LRRTM4: variants seen among roughly 807,000 people sequenced by gnomAD.
LRRTM4 encodes leucine rich repeat transmembrane neuronal 4.
LRRTM4 carries 25 observed loss-of-function variants against 47.6 expected under a neutral mutation model. The ratio of observed to expected loss-of-function variants is 0.53; its 90% CI spans 0.38 to 0.73. The LOEUF is 0.73. LRRTM4 is among the 30% of genes least tolerant of loss of function. The probability of loss-of-function intolerance (pLI) is 0.00; values close to 1 mark genes in which losing one functional copy is unlikely to be tolerated. For missense variants in LRRTM4, 638 were observed against 713.4 expected (o/e 0.89, Z 1.20); for synonymous variants, 311 against 269.5 (o/e 1.15, Z -1.51).
intron 3 of LRRTM4, among the ~76,000 whole-genome samples, chr2:76,760,570 T>C (rs994238788): frequency 6.6e-6 from 1 of 151,956 alleles, no homozygotes; most frequent in Admixed American, 6.6e-5. Flanking sequence ...ATATGTACAA[T>C]AAACAGCCTA....
At chr2:77,265,906 A>ATT (rs1676037069) in intron 3 of LRRTM4, among the ~76,000 whole-genome samples, 1 of 152,198 alleles carries the variant, frequency 6.6e-6, no homozygotes, top group Non-Finnish European at 1.5e-5. Context: ...TAAATTTCAG[A>ATT]TGACATAAGA....
At chr2:77,370,991 G>A (rs546951506) in intron 3 of LRRTM4, among the ~76,000 whole-genome samples, 1 of 151,678 alleles carries the variant, frequency 6.6e-6, no homozygotes, top group African/African-American at 2.4e-5. Flanking sequence ...CAATTAGTTG[G>A]TTGGGGAGGA....
At chr2:77,413,530 T>G (rs1674520693) in intron 3 of LRRTM4, among the ~76,000 whole-genome samples, 1 of 152,226 alleles carries the variant, frequency 6.6e-6, no homozygotes, top group South Asian at 2.1e-4. Context: ...CATTGTTACC[T>G]GTGGAATGGA....
chr2:77,109,498 C>G (rs925379816), intron 3 of LRRTM4, among the ~76,000 whole-genome samples: 21 of 152,152 alleles, frequency 1.4e-4, no homozygotes, highest in Admixed American at 5.9e-4. Flanking sequence ...CCCACATGGT[C>G]TTGGAATCCT....
intron 3 of LRRTM4, among the ~76,000 whole-genome samples, chr2:77,199,050 G>A (rs1158964869): frequency 6.6e-6 from 1 of 151,998 alleles, no homozygotes; most frequent in Non-Finnish European, 1.5e-5. Flanking sequence ...ATCTGTTTTA[G>A]CACTTTGGAG....
chr2:76,815,514 G>A (rs979055327), intron 3 of LRRTM4, among the ~76,000 whole-genome samples: 6 of 152,088 alleles, frequency 3.9e-5, no homozygotes, highest in Admixed American at 2.6e-4. Context: ...TGGATACCTG[G>A]AATGGCTTAA....
intron 3 of LRRTM4, among the ~76,000 whole-genome samples, chr2:76,895,587 C>G (rs765555463): frequency 6.6e-6 from 1 of 152,014 alleles, no homozygotes; most frequent in Non-Finnish European, 1.5e-5. Context: ...TTTAAATATT[C>G]CTCTACTTTT....
rs1165494384 is a variant in LRRTM4 at position 76,794,044 on chromosome 2, A to G, written c.1552-45128T>C. Among the ~76,000 whole-genome samples the G allele has an allele frequency of 2.0e-5, 3 of 152,282 alleles. No homozygotes were observed. In the East Asian group the frequency reaches 5.8e-4, roughly 29 times the overall value. On this transcript the variant is annotated intron_variant, in intron 3 of 3. Coordinates refer to ENST00000409884, the MANE Select transcript of LRRTM4 (RefSeq NM_001134745.3). ...TGTATAAGCCAAAACTGGGCTAGGGAAGTCCAACCAGGAACTAAGAATTGT... is the reference window on the plus strand; with the variant it reads ...TGTATAAGCCAAAACTGGGCTAGGGGAGTCCAACCAGGAACTAAGAATTGT...
intron 3 of LRRTM4, among the ~76,000 whole-genome samples, chr2:76,793,039 C>T (rs891299782): frequency 1.3e-5 from 2 of 152,102 alleles, no homozygotes; most frequent in Non-Finnish European, 2.9e-5. Context: ...TACACACTTG[C>T]CAGTGAGAAA....
chr2:77,451,816 T>C (rs1330752700), intron 3 of LRRTM4, among the ~76,000 whole-genome samples: 1 of 152,124 alleles, frequency 6.6e-6, no homozygotes, highest in Non-Finnish European at 1.5e-5. Context: ...GTTAAAAAAA[T>C]CTGTTGAAGT....
At chr2:77,091,682 G>T (rs1670646852) in intron 3 of LRRTM4, among the ~76,000 whole-genome samples, 1 of 148,834 alleles carries the variant, frequency 6.7e-6, no homozygotes, top group East Asian at 2.1e-4. Context: ...GCTTTCACTT[G>T]GACTGACCCT....
intron 3 of LRRTM4, among the ~76,000 whole-genome samples, chr2:77,091,345 C>A (rs1670632103): frequency 7.0e-6 from 1 of 142,218 alleles, no homozygotes; most frequent in South Asian, 2.2e-4. Context: ...TCACCCTTAC[C>A]CCACTCAACG....
intron 3 of LRRTM4, among the ~76,000 whole-genome samples, chr2:77,347,552 A>G (rs774978436): frequency 2.0e-5 from 3 of 152,172 alleles, no homozygotes; most frequent in Middle Eastern, 3.2e-3. Flanking sequence ...CCAAAATAAT[A>G]TTTCTCAAAT....
chr2:76,767,189 G>A (rs2104100520), intron 3 of LRRTM4, among the ~76,000 whole-genome samples: 1 of 152,122 alleles, frequency 6.6e-6, no homozygotes, highest in Admixed American at 6.5e-5. Flanking sequence ...ATTTCTTTCT[G>A]GCATTCTGAC....
At chr2:76,944,351 C>T (rs2103870187) in intron 3 of LRRTM4, among the ~76,000 whole-genome samples, 1 of 152,228 alleles carries the variant, frequency 6.6e-6, no homozygotes, top group Non-Finnish European at 1.5e-5. Flanking sequence ...TGGTACTGTA[C>T]TTCCCTTATC....
At chr2:77,282,066 T>C (rs2104101888) in intron 3 of LRRTM4, among the ~76,000 whole-genome samples, 1 of 152,100 alleles carries the variant, frequency 6.6e-6, no homozygotes, top group Admixed American at 6.6e-5. Flanking sequence ...TTCCAATCCA[T>C]GAGCATGTAA....
At chr2:76,869,762 A>T (rs748464021) in intron 3 of LRRTM4, among the ~76,000 whole-genome samples, 1 of 152,192 alleles carries the variant, frequency 6.6e-6, no homozygotes, top group Non-Finnish European at 1.5e-5. Context: ...TTTTAAGGGA[A>T]CTTTAAAGAA....
chr2:77,146,037 G>T (rs541586877), intron 3 of LRRTM4, among the ~76,000 whole-genome samples: 1 of 151,936 alleles, frequency 6.6e-6, no homozygotes, highest in East Asian at 1.9e-4. Flanking sequence ...TAAAAATTTG[G>T]CCTCTTAAAA....
intron 3 of LRRTM4, among the ~76,000 whole-genome samples, chr2:77,427,392 C>G (rs577850536): frequency 6.6e-6 from 1 of 152,294 alleles, no homozygotes; most frequent in South Asian, 2.1e-4. Context: ...AGTTATGGAT[C>G]ACTACATTAA....
Sources: gnomAD v4.1 joint callset for allele counts (sites outside exome capture counted in the v4.1 genomes callset) on GRCh38, gnomAD v4.1.1 for gene constraint, MANE v1.5 for transcripts, NCBI Gene and HGNC (gene_info 2026-07-23, HGNC 2026-07-21) for gene names.